DGKK: variants seen among roughly 807,000 people sequenced by gnomAD.
The protein encoded by DGKK is 142 kDa diacylglycerol kinase.
In DGKK, 35 loss-of-function variants were observed where a neutral mutation model predicts 92.2. The observed-to-expected ratio is 0.38, with a 90% CI of 0.29 to 0.50. The LOEUF is 0.50. Among genes scored for constraint, DGKK ranks in the 20% least tolerant of loss-of-function variants. DGKK has a pLI of 0.92. For synonymous variants in DGKK, 368 were observed against 360.6 expected (o/e 1.02, Z -0.23); for missense variants, 910 against 992.2 (o/e 0.92, Z 1.11).
chrX:50,403,692 A>G, intron 5 of DGKK, 95 bp from the exon 6 acceptor site: 1 of 730,581 alleles, frequency 1.4e-6, no homozygotes. Context: ...TAGAACACAG[A>G]TGCATTCTAA....
rs1470791460 is a variant in DGKK, at chrX:50,401,282, C to T, written c.1309-143G>A. 2.5e-5 allele frequency: 13 copies of T among 530,466 alleles called. No homozygotes were observed. The South Asian group carries it at 3.3e-4, about 14-fold the overall frequency. The allele number at this position is 530,466 out of a possible 1,213,427, so 43.7% of individuals were successfully genotyped here. On this transcript the variant is annotated intron_variant, in intron 7 of 27. Coordinates refer to ENST00000611977, the MANE Select transcript of DGKK (RefSeq NM_001013742.4). ...GAGATTTGGTGCCATACATATATCC[C>T]TAACTCACCTGAACACCCCCATTCT... is the stretch of plus-strand genomic sequence containing the variant.
chrX:50,405,557 AGC>A (rs1557227191), intron 4 of DGKK, among the ~76,000 whole-genome samples: 1 of 107,866 alleles, frequency 9.3e-6, no homozygotes, highest in African/African-American at 3.5e-5. Flanking sequence ...AGAGAGAGAG[AGC>A]TAGCTACTGA....
At chrX:50,404,662 C>A (rs1557227066) in intron 4 of DGKK, among the ~76,000 whole-genome samples, 1 of 110,133 alleles carries the variant, frequency 9.1e-6, no homozygotes. Context: ...CTGCCTCGGC[C>A]TCCTGAAGTG....
intron 8 of DGKK, 144 bp from the exon 9 acceptor site, chrX:50,393,479 G>A (rs1278662263): frequency 6.3e-6 from 3 of 479,663 alleles, no homozygotes; most frequent in Admixed American, 8.1e-5. Context: ...GAAAAGTCAA[G>A]ATACCACCCA....
chrX:50,426,572 T>A (rs1925747566), intron 1 of DGKK, among the ~76,000 whole-genome samples: 1 of 111,049 alleles, frequency 9.0e-6, no homozygotes, highest in Admixed American at 9.6e-5. Context: ...CAGAGCCTAC[T>A]CCCAACAAAC....
intron 1 of DGKK, among the ~76,000 whole-genome samples, chrX:50,449,484 T>A (rs1308744803): frequency 9.0e-6 from 1 of 111,426 alleles, no homozygotes; most frequent in Non-Finnish European, 1.9e-5. Context: ...ATTGTTTATT[T>A]TTCCTCCCTC....
chrX:50,384,898 G>A, intron 15 of DGKK, 74 bp from the exon 16 acceptor site: 3 of 711,609 alleles, frequency 4.2e-6, no homozygotes, highest in Admixed American at 2.8e-5. Flanking sequence ...GAGGGAGGGA[G>A]GATGGAAGGA....
intron 1 of DGKK, among the ~76,000 whole-genome samples, chrX:50,446,824 T>C (rs1926318788): frequency 9.0e-6 from 1 of 111,373 alleles, no homozygotes. Context: ...CATGAAATTC[T>C]TTCTGCTGTC....
intron 17 of DGKK, among the ~76,000 whole-genome samples, chrX:50,383,132 C>T (rs782176111): frequency 1.8e-5 from 2 of 111,793 alleles, no homozygotes; most frequent in Non-Finnish European, 3.8e-5. Context: ...CTCCTGTGTC[C>T]ATCTAGGGTG....
At position 50,382,511 on chromosome X, in the gene DGKK, T is replaced by C; in HGVS notation, c.2642A>G (p.His881Arg). Residue 881 changes from histidine to arginine, a missense_variant, in exon 18 of 28, where the codon CAC (histidine) becomes CGC (arginine). By Grantham distance (29) the His-to-Arg change is conservative. Transcript: ENST00000611977. ...TTTTCCTTACTTGTATTGCCCTGGGTGTTCATCTCTTCTGGTGTTGAAGTC... is the reference window on the plus strand; with the variant it reads ...TTTTCCTTACTTGTATTGCCCTGGGCGTTCATCTCTTCTGGTGTTGAAGTC... ...SLDFNTRRDE[H>R]PGQYNSRLKN... 1 of 1,206,486 alleles carries C rather than the reference T, an allele frequency of 8.3e-7. No individual in the cohort carries two copies. The highest frequency in any genetic ancestry group is 1.1e-6 in the Non-Finnish European group (1 of 891,744).
chrX:50,374,542 C>G (rs1490765079), intron 25 of DGKK, among the ~76,000 whole-genome samples: 6 of 111,322 alleles, frequency 5.4e-5, no homozygotes, highest in Non-Finnish European at 1.1e-4. Flanking sequence ...TAGTAAGTGG[C>G]AGATTTGAGA....
At chrX:50,401,857 A>G (rs1306515838) in intron 7 of DGKK, among the ~76,000 whole-genome samples, 1 of 111,601 alleles carries the variant, frequency 9.0e-6, no homozygotes, top group Non-Finnish European at 1.9e-5. Context: ...AAGGCTAGAA[A>G]TCTAGATCAG....
In DGKK at chrX:50,393,257, T is replaced by C; in HGVS notation, c.1490A>G (p.Asn497Ser). Residue 497 changes from asparagine to serine, a missense_variant, in exon 9 of 28, where the codon AAC (asparagine) becomes AGC (serine). By Grantham distance (46) the Asn-to-Ser change is conservative. Transcript: ENST00000611977. Reference sequence around the variant, plus strand: ...CCCCTGATGATCGCCACTTTTGGAGTTGATGAAGATGAGCAAGGGACATGA... The same window carrying C: ...CCCCTGATGATCGCCACTTTTGGAGCTGATGAAGATGAGCAAGGGACATGA... The part of the protein sequence containing the change: ...ACSCPLLIFI[N>S]SKSGDHQGIV... 1.7e-6 allele frequency: 2 copies of C among 1,209,882 alleles called. No individual in the cohort carries two copies. Among genetic ancestry groups the C allele is most frequent in the East Asian group, 3.0e-5 (1 of 33,789 alleles).
intron 8 of DGKK, among the ~76,000 whole-genome samples, chrX:50,395,075 C>T (rs1924809070): frequency 9.0e-6 from 1 of 110,553 alleles, no homozygotes; most frequent in African/African-American, 3.3e-5. Flanking sequence ...GGGACAGATC[C>T]AATGGCAACA....
intron 4 of DGKK, among the ~76,000 whole-genome samples, chrX:50,412,535 C>A (rs1295436270): frequency 8.9e-6 from 1 of 111,858 alleles, no homozygotes; most frequent in Non-Finnish European, 1.9e-5. Context: ...CCCTGAATAG[C>A]TAAAACAATC....
At chrX:50,395,005 A>G (rs934271821) in intron 8 of DGKK, among the ~76,000 whole-genome samples, 5 of 109,446 alleles carry the variant, frequency 4.6e-5, no homozygotes, top group African/African-American at 1.3e-4. Context: ...AGAGAATAGT[A>G]TGGTTATTGT....
In DGKK at chrX:50,378,095, T is replaced by C; in HGVS notation, c.3111+3A>G. On this transcript the variant is annotated splice_donor_region_variant and intron_variant, in intron 22 of 27. Coordinates refer to ENST00000611977, the MANE Select transcript of DGKK (RefSeq NM_001013742.4). ...GAGCCCAAGACAAGATTTTCCCCCT[T>C]ACCCGATCTCTTGTCAGCATCTGGG... The C allele has an allele frequency of 8.3e-7, 1 of 1,207,834 alleles. No individual in the cohort carries two copies. The highest frequency in any genetic ancestry group is 1.1e-6 in the Non-Finnish European group (1 of 893,825).
At chrX:50,376,664 G>A in intron 23 of DGKK, 94 bp downstream of exon 23, 7 of 880,066 alleles carry the variant, frequency 8.0e-6, no homozygotes, top group Non-Finnish European at 6.1e-6. Context: ...CCTCTCTGAG[G>A]CCAGGCTCCC....
chrX:50,375,843 C>G (rs1341672701), intron 24 of DGKK, among the ~76,000 whole-genome samples, 181 bp downstream of exon 24: 2 of 111,648 alleles, frequency 1.8e-5, no homozygotes, highest in Non-Finnish European at 1.9e-5. Context: ...GATTTTCCCC[C>G]AGCAACCACC....
Sources: allele counts gnomAD v4.1 joint callset (sites outside exome capture counted in the v4.1 genomes callset), GRCh38; gene constraint gnomAD v4.1.1; transcripts MANE v1.5; gene names NCBI Gene and HGNC (gene_info 2026-07-23, HGNC 2026-07-21).